Variants in SMARCA2 observed in about 807,000 individuals in gnomAD.
SMARCA2 encodes the protein SWI/SNF-related matrix-associated actin-dependent regulator of chromatin subfamily A member 2.
A neutral mutation model predicts 199.8 loss-of-function variants in SMARCA2; 61 were observed. The ratio of observed to expected loss-of-function variants is 0.31; its 90% CI spans 0.25 to 0.38. The LOEUF (loss-of-function observed/expected upper bound fraction) is 0.38, where lower values mean the gene tolerates loss of function less well. Ranked by LOEUF, SMARCA2 falls within the 10% of genes least tolerant of loss-of-function variation. The pLI is 1.00. For missense variants in SMARCA2, 1,344 were observed against 2,012.2 expected (o/e 0.67, Z 6.35); for synonymous variants, 935 against 732.0 (o/e 1.28, Z -4.48).
chr9:2,164,180 A>G (rs1418554028), intron 28 of SMARCA2, among the ~76,000 whole-genome samples: 1 of 152,100 alleles, frequency 6.6e-6, no homozygotes, highest in Non-Finnish European at 1.5e-5. Flanking sequence ...ATTCATTTGT[A>G]TTACCTGCTG....
At chr9:2,106,587 G>C (rs1330200759) in intron 23 of SMARCA2, among the ~76,000 whole-genome samples, 1 of 152,078 alleles carries the variant, frequency 6.6e-6, no homozygotes, top group African/African-American at 2.4e-5. Flanking sequence ...ACTTCCAGCT[G>C]AACCCCCTTC....
chr9:2,181,584 C>T lies in SMARCA2; in HGVS notation c.4267C>T (p.Leu1423Phe), dbSNP rs756457254. The T allele has an allele frequency of 1.3e-6, 2 of 1,586,248 alleles. No individual in the cohort carries two copies. The highest frequency in any genetic ancestry group is 1.1e-5 in the South Asian group (1 of 90,472). The stretch of plus-strand genomic sequence containing the variant: ...CCCATCCTACAGTTCAGGGCGACAG[C>T]TCAGTGAAGTCTTCATTCAGTTACC... The part of the protein sequence containing the change: ...EIEGNSSGRQ[L>F]SEVFIQLPSR... The change falls in exon 30 of 34, where the codon CTC becomes TTC. Residue 1423 changes from leucine to phenylalanine, a missense_variant. Physicochemically the swap from Leu to Phe is conservative, Grantham distance 22. Coordinates refer to ENST00000349721, the MANE Select transcript of SMARCA2 (RefSeq NM_003070.5).
intron 31 of SMARCA2, among the ~76,000 whole-genome samples, chr9:2,182,661 A>G (rs1007697199): frequency 5.3e-5 from 8 of 151,390 alleles, no homozygotes; most frequent in Non-Finnish European, 8.8e-5. Flanking sequence ...TGCCTGGCTG[A>G]TTTTTGTATT....
At chr9:2,164,497 T>C (rs997457957) in intron 28 of SMARCA2, among the ~76,000 whole-genome samples, 1 of 152,150 alleles carries the variant, frequency 6.6e-6, no homozygotes, top group Non-Finnish European at 1.5e-5. Flanking sequence ...TCTAGAGTCC[T>C]TATGTGTCAT....
intron 19 of SMARCA2, among the ~76,000 whole-genome samples, chr9:2,095,298 C>A (rs914802456): frequency 1.3e-5 from 2 of 152,022 alleles, no homozygotes; most frequent in African/African-American, 2.4e-5. Flanking sequence ...GTTGGTCAGG[C>A]TGGTCTGGAA....
chr9:2,144,101 G>A (rs56807186), intron 27 of SMARCA2, among the ~76,000 whole-genome samples: 23,581 of 151,702 alleles, frequency 0.16, 2,111 homozygotes, highest in East Asian at 0.31. Flanking sequence ...CTTTTGAGGG[G>A]GCAGTCAATC....
chr9:2,029,308 A>G, intron 2 of SMARCA2, 61 bp downstream of exon 2: 1 of 1,555,196 alleles, frequency 6.4e-7, no homozygotes, highest in Non-Finnish European at 8.7e-7. Flanking sequence ...AATATTTCTG[A>G]TAACCCCATC....
At chr9:2,176,650 C>A (rs938558287) in intron 29 of SMARCA2, among the ~76,000 whole-genome samples, 1 of 152,060 alleles carries the variant, frequency 6.6e-6, no homozygotes, top group Admixed American at 6.5e-5. Context: ...CTCCTGGGCT[C>A]AAGCGATCCT....
intron 29 of SMARCA2, among the ~76,000 whole-genome samples, chr9:2,175,064 G>A (rs138661455): frequency 4.6e-5 from 7 of 151,930 alleles, no homozygotes; most frequent in South Asian, 2.1e-4. Flanking sequence ...CGCGTGTAAC[G>A]TCTACAAGGT....
At chr9:2,159,629 A>T (rs1186739844) in intron 27 of SMARCA2, 10 of 603,116 alleles carry the variant, frequency 1.7e-5, no homozygotes, top group Middle Eastern at 4.7e-4. Context: ...GGGGAAAAAA[A>T]TATGATAAGT....
At chr9:2,159,432 G>T (rs80045329) in intron 27 of SMARCA2, 4,602 of 212,448 alleles carry the variant, frequency 0.022, 258 homozygotes, top group African/African-American at 0.1. Context: ...CATTTAGACT[G>T]CTCCAAACCA....
rs140751182 is a variant in SMARCA2 at position 2,065,838 on chromosome 9, G to A, written c.1693-4580G>A. On this transcript the variant is annotated intron_variant, in intron 9 of 33. Transcript: ENST00000349721. ...TGTAGGAACTATTGTAAGGATAGGCGAACACAATGCCACAGTGATTAGATT... is the reference window on the plus strand; with the variant it reads ...TGTAGGAACTATTGTAAGGATAGGCAAACACAATGCCACAGTGATTAGATT... Among the ~76,000 whole-genome samples the A allele has an allele frequency of 2.7e-3, 417 of 152,248 alleles. 1 individual carries two copies. The highest frequency in any genetic ancestry group is 0.013 in the South Asian group (64 of 4,822).
chr9:2,025,180 T>C (rs1179346156), intron 1 of SMARCA2, among the ~76,000 whole-genome samples: 1 of 152,076 alleles, frequency 6.6e-6, no homozygotes, highest in African/African-American at 2.4e-5. Context: ...CACTCTCTAG[T>C]TGTGAATGTA....
At chr9:2,180,428 T>G (rs1485786830) in intron 29 of SMARCA2, among the ~76,000 whole-genome samples, 1 of 152,232 alleles carries the variant, frequency 6.6e-6, no homozygotes, top group Non-Finnish European at 1.5e-5. Context: ...TTTTTAATTA[T>G]ACAACTGGGA....
At chr9:2,058,549 G>A in intron 8 of SMARCA2, 85 bp downstream of exon 8, 5 of 1,169,620 alleles carry the variant, frequency 4.3e-6, no homozygotes, top group East Asian at 4.8e-5. Context: ...GGTAGTAGAA[G>A]GAAAAAATGA....
intron 5 of SMARCA2, chr9:2,047,958 T>A (rs141901332): frequency 6.6e-6 from 1 of 152,218 alleles, no homozygotes. Context: ...ACTTAAATCA[T>A]TAGTCCAGAA....
At position 2,039,627 on chromosome 9, in the gene SMARCA2, C is replaced by T. The variant is rs768229159; in HGVS notation, c.517C>T (p.Pro173Ser). Residue 173 changes from proline (P) to serine (S), a missense_variant, in exon 4 of 34, where the codon CCT becomes TCT. By Grantham distance (74) the Pro-to-Ser change is moderately conservative. Around this residue, in one of 18 missense-constraint regions of SMARCA2, gnomAD observed 275 missense variants for 247.5 expected, o/e 1.11. Coordinates refer to ENST00000349721, the MANE Select transcript of SMARCA2 (RefSeq NM_003070.5). The surrounding 1 kb of genome is among the most constrained non-coding windows in gnomAD (Gnocchi z 4.8). ...GAGCCAGCCCAACAGAGGTCCCTCA[C>T]CTTTCAGTCCTGTCCAGCTGCATCA... Reference protein sequence around the residue: ...AMSQPNRGPSPFSPVQLHQLR... With the variant: ...AMSQPNRGPSSFSPVQLHQLR... 108 of 1,614,220 alleles carry T rather than the reference C, an allele frequency of 6.7e-5. No homozygotes were observed. In the South Asian group the frequency reaches 1.1e-3, roughly 16 times the overall value.
At chr9:2,128,936 C>T (rs1432106905) in intron 27 of SMARCA2, among the ~76,000 whole-genome samples, 1 of 152,182 alleles carries the variant, frequency 6.6e-6, no homozygotes, top group Non-Finnish European at 1.5e-5. Context: ...AGTGCATAGT[C>T]CCCAACAACA....
intron 27 of SMARCA2, among the ~76,000 whole-genome samples, chr9:2,154,441 C>T (rs558605162): frequency 6.6e-6 from 1 of 152,192 alleles, no homozygotes; most frequent in Non-Finnish European, 1.5e-5. Context: ...GTTTTCCTCT[C>T]TCATGATTGG....
Sources: allele counts gnomAD v4.1 joint callset (sites outside exome capture counted in the v4.1 genomes callset), GRCh38; gene constraint gnomAD v4.1.1; regional missense constraint gnomAD v4.1.1; non-coding constraint Gnocchi (gnomAD v3.1); transcripts MANE v1.5; gene names NCBI Gene and HGNC (gene_info 2026-07-23, HGNC 2026-07-21).